MICALL2: variants seen among roughly 807,000 people sequenced by gnomAD.
MICALL2 encodes the protein MICAL-like protein 2.
MICALL2 carries 111 observed loss-of-function variants against 91.1 expected under a neutral mutation model. The observed-to-expected ratio is 1.22, with a 90% CI of 1.04 to 1.43. The LOEUF (loss-of-function observed/expected upper bound fraction) is 1.43, where lower values mean the gene tolerates loss of function less well. Ranked by LOEUF, MICALL2 falls within the 40% of genes most tolerant of loss-of-function variation. The probability of loss-of-function intolerance (pLI) is 0.00; values close to 1 mark genes in which losing one functional copy is unlikely to be tolerated. For synonymous variants in MICALL2, 694 were observed against 525.3 expected, an observed-to-expected ratio of 1.32 and a Z score of -4.39; for missense variants, 1,556 against 1,236.0, an observed-to-expected ratio of 1.26 and a Z score of -3.88.
chr7:1,440,189 G>A (rs1042219107), intron 8 of MICALL2, 104 bp from the exon 9 acceptor site: 45 of 1,418,946 alleles, frequency 3.2e-5, no homozygotes, highest in Non-Finnish European at 4.2e-5. Context: ...GGGAGCAGGT[G>A]GCCTTCTGAG....
chr7:1,449,673 T>C (rs919798657), intron 2 of MICALL2, among the ~76,000 whole-genome samples: 5 of 152,226 alleles, frequency 3.3e-5, no homozygotes, highest in Non-Finnish European at 5.9e-5. Context: ...GGCCGGGGCC[T>C]GCCTGGCACA....
chr7:1,434,502 G>T lies in MICALL2; in HGVS notation c.*94C>A. ...GTCCGGGCCGAGCCCACGGCCCCGA[G>T]TACAAGTCCGGGTTCCGGGTCCGGG... On this transcript the variant is annotated 3_prime_UTR_variant, in exon 17 of 17. Transcript: ENST00000297508. 1.8e-6 allele frequency: 2 copies of T among 1,140,720 alleles called. No individual in the cohort carries two copies. Among genetic ancestry groups the T allele is most frequent in the Non-Finnish European group, 2.7e-6 (2 of 751,772 alleles). 70.7% of individuals were successfully genotyped at this position (1,140,720 alleles called of 1,614,324 possible). A position where few individuals can be genotyped will look rare whatever the true frequency, so the allele number is the denominator to read the frequency against.
rs776819478 is a variant in MICALL2 at position 1,442,191 on chromosome 7, C to T, written c.1711+1G>A. The T allele has an allele frequency of 4.3e-6, 7 of 1,612,090 alleles. No individual in the cohort carries two copies. Among genetic ancestry groups the T allele is most frequent in the African/African-American group, 1.3e-5 (1 of 74,914 alleles). ...CTCCTGCCTCCCAGCCCCTTACTCA[C>T]CCTGCGTTAAGGTGGTGCTTTTACC... On this transcript the variant is annotated splice_donor_variant, in intron 7 of 16. Transcript: ENST00000297508. LOFTEE classifies it high-confidence loss of function.
chr7:1,440,183 G>A (rs1471591539), intron 8 of MICALL2, 98 bp from the exon 9 acceptor site: 3 of 1,461,326 alleles, frequency 2.1e-6, no homozygotes, highest in East Asian at 2.4e-5. Flanking sequence ...GCCGGAGGGA[G>A]CAGGTGGCCT....
chr7:1,442,161 G>A (rs200643561), intron 7 of MICALL2, 31 bp downstream of exon 7: 573 of 1,606,720 alleles, frequency 3.6e-4, no homozygotes, highest in Non-Finnish European at 4.4e-4. Flanking sequence ...GCGGGCCCCC[G>A]GGGCCTCCTG....
intron 4 of MICALL2, 73 bp downstream of exon 4, chr7:1,447,502 G>T: frequency 1.1e-6 from 1 of 951,270 alleles, no homozygotes; most frequent in Non-Finnish European, 1.5e-6. Flanking sequence ...GCCGCACGTA[G>T]TCCCACAAGC....
intron 6 of MICALL2, among the ~76,000 whole-genome samples, chr7:1,443,081 T>TC (rs1389652950): frequency 6.9e-6 from 1 of 145,428 alleles, no homozygotes; most frequent in Non-Finnish European, 1.5e-5. Context: ...TGCCTCCATG[T>TC]CCCCACCCCC....
chr7:1,448,536 C>T (rs1438126270), intron 3 of MICALL2, 84 bp downstream of exon 3: 3 of 1,446,556 alleles, frequency 2.1e-6, no homozygotes, highest in African/African-American at 1.4e-5. Flanking sequence ...GGGCATGGAC[C>T]CCAAAAAGTC....
chr7:1,442,586 C>T (rs1042010812), intron 6 of MICALL2, 102 bp from the exon 7 acceptor site: 4 of 1,197,542 alleles, frequency 3.3e-6, no homozygotes, highest in Non-Finnish European at 4.6e-6. Context: ...CTCCCAATGC[C>T]CAGCCTCCGG....
At position 1,446,856 on chromosome 7, in the gene MICALL2, G is replaced by A. The variant is rs780741826; in HGVS notation, c.526-28C>T. 71 of 1,483,904 alleles carry A rather than the reference G, an allele frequency of 4.8e-5. 1 individual carries two copies. The East Asian group carries it at 1.6e-3, about 34-fold the overall frequency. 91.9% of individuals were successfully genotyped at this position (1,483,904 alleles called of 1,614,324 possible). A position where few individuals can be genotyped will look rare whatever the true frequency, so the allele number is the denominator to read the frequency against. ...GGGGAAGATGCCAGCACCTCTCTGAGCAGCCGTCCACCCAGCCCTCCCTCC... is the reference window on the plus strand; with the variant it reads ...GGGGAAGATGCCAGCACCTCTCTGAACAGCCGTCCACCCAGCCCTCCCTCC... On this transcript the variant is annotated intron_variant, in intron 4 of 16. Transcript: ENST00000297508.
chr7:1,441,125 G>T (rs573593716), intron 7 of MICALL2: 5 of 184,586 alleles, frequency 2.7e-5, no homozygotes, highest in Non-Finnish European at 5.8e-5. Context: ...ACCCTTTGCA[G>T]CCCAGCTTGT....
At position 1,434,650 on chromosome 7, in the gene MICALL2, C is replaced by A; in HGVS notation, c.2661G>T (p.Lys887Asn). ...GTGACCAGATCTTGGACAAGCGGAA[C>A]TTGGACTTCTTCCTCTGGAGGCCTA... ...EKLGLQRKKS[K>N]FRLSKIWSPK... The change falls in exon 17 of 17, where the codon AAG becomes AAT. Residue 887 changes from lysine to asparagine, a missense_variant. Physicochemically the swap from Lys to Asn is moderately conservative, Grantham distance 94 (BLOSUM62 0). Coordinates refer to ENST00000297508, the MANE Select transcript of MICALL2 (RefSeq NM_182924.4). The A allele has an allele frequency of 6.4e-7, 1 of 1,568,062 alleles. No homozygotes were observed. The highest frequency in any genetic ancestry group is 8.6e-7 in the Non-Finnish European group (1 of 1,161,258).
chr7:1,458,658 C>T (rs117921923), intron 1 of MICALL2, among the ~76,000 whole-genome samples: 1,960 of 152,330 alleles, frequency 0.013, 19 homozygotes, highest in Non-Finnish European at 0.023. Flanking sequence ...CCATCTCGGG[C>T]CCTATCACCC....
chr7:1,434,793 C>A (rs2128518101), intron 16 of MICALL2, 121 bp from the exon 17 acceptor site: 1 of 1,088,442 alleles, frequency 9.2e-7, no homozygotes, highest in Non-Finnish European at 1.3e-6. Flanking sequence ...CCCTGGGCCT[C>A]CGAGCCTGCA....
At position 1,438,167 on chromosome 7, in the gene MICALL2, G is replaced by C. The variant is rs370717122; in HGVS notation, c.2241C>G (p.Ile747Met). The C allele has an allele frequency of 6.4e-7, 1 of 1,567,106 alleles. No individual in the cohort carries two copies. Among genetic ancestry groups the C allele is most frequent in the Non-Finnish European group, 8.6e-7 (1 of 1,156,152 alleles). ...GCTCCAGGGCGTCCAGCCGCCTCTCGATGTCCTGCAGCTGCCTCTGTATCT... is the reference window on the plus strand; with the variant it reads ...GCTCCAGGGCGTCCAGCCGCCTCTCCATGTCCTGCAGCTGCCTCTGTATCT... ...PEEIQRQLQD[I>M]ERRLDALELR... Residue 747 changes from isoleucine to methionine, a missense_variant, in exon 12 of 17, where the codon ATC becomes ATG. Ile to Met is a conservative substitution (Grantham distance 10). Transcript: ENST00000297508.
rs1384382896 is a variant in MICALL2 at position 1,438,671 on chromosome 7, T to C, written c.2122+169A>G. ...AAGGTACTCTGAAACAGCTAGGGTC[T>C]CTATTCATGAGGGCGGGCCTGGGGC... On this transcript the variant is annotated intron_variant, in intron 10 of 16. Transcript: ENST00000297508. 2.1e-6 allele frequency: 3 copies of C among 1,439,918 alleles called. No individual in the cohort carries two copies. The African/African-American group carries it at 4.3e-5, about 21-fold the overall frequency. 89.2% of individuals were successfully genotyped at this position (1,439,918 alleles called of 1,614,324 possible). A position where few individuals can be genotyped will look rare whatever the true frequency, so the allele number is the denominator to read the frequency against.
chr7:1,445,390 T>C lies in MICALL2; in HGVS notation c.680A>G (p.Tyr227Cys). ...GGTGCCCGGCTCTCCTGTGGCCTTG[T>C]AGGCCCCCGAGTGCAGCGTGCAGGA... ...QCSCTLHSGA[Y>C]KATGEPGTFV... The change falls in exon 6 of 17, where the codon TAC (tyrosine) becomes TGC (cysteine). Residue 227 changes from tyrosine to cysteine, a missense_variant. By Grantham distance (194) the Tyr-to-Cys change is radical (BLOSUM62 -2). Transcript: ENST00000297508. 3 of 1,573,964 alleles carry C rather than the reference T, an allele frequency of 1.9e-6. No homozygotes were observed. Among genetic ancestry groups the C allele is most frequent in the Non-Finnish European group, 2.6e-6 (3 of 1,166,714 alleles).
intron 5 of MICALL2, 85 bp from the exon 6 acceptor site, chr7:1,445,513 G>T (rs945998243): frequency 3.8e-6 from 5 of 1,304,120 alleles, no homozygotes; most frequent in Middle Eastern, 2.7e-4. Context: ...AGCAGGCATT[G>T]CGGACTCCTG....
Position 1,440,383 on chromosome 7 carries a change from C to T in MICALL2, c.1805+208G>A. The T allele has an allele frequency of 4.7e-6, 3 of 634,960 alleles. No homozygotes were observed. In the South Asian group the frequency reaches 5.5e-5, roughly 12 times the overall value. The allele number at this position is 634,960 out of a possible 1,614,324, so 39.3% of individuals were successfully genotyped here. A position where few individuals can be genotyped will look rare whatever the true frequency, so the allele number is the denominator to read the frequency against. ...GGTGCGTGAACCCACACGGGTGCTG[C>T]CATGCCCAGGTGAGACACGCAACGC... On this transcript the variant is annotated intron_variant, in intron 8 of 16. Coordinates refer to ENST00000297508, the MANE Select transcript of MICALL2 (RefSeq NM_182924.4).
Sources: allele counts gnomAD v4.1 joint callset (sites outside exome capture counted in the v4.1 genomes callset), GRCh38; gene constraint gnomAD v4.1.1; transcripts MANE v1.5; gene names NCBI Gene and HGNC (gene_info 2026-07-23, HGNC 2026-07-21).